The following TSPAN2 variants were observed in gnomAD, a reference collection of about 807,000 sequenced individuals.
TSPAN2 encodes tetraspanin 2.
A neutral mutation model predicts 33.3 loss-of-function variants in TSPAN2; 24 were observed. That is an observed-to-expected ratio of 0.72 (90% CI 0.52 to 1.01). The LOEUF is 1.01. Among genes scored for constraint, TSPAN2 ranks in the 50% least tolerant of loss-of-function variants. The probability of loss-of-function intolerance (pLI) is 0.00; values close to 1 mark genes in which losing one functional copy is unlikely to be tolerated. For missense variants in TSPAN2, 278 were observed against 281.3 expected (o/e 0.99, Z 0.08); for synonymous variants, 114 against 104.5 (o/e 1.09, Z -0.56).
upstream of TSPAN2, chr1:115,089,503 CGG>C: frequency 1.2e-6 from 1 of 857,430 alleles, no homozygotes; most frequent in Non-Finnish European, 1.5e-6. Flanking sequence ...CAGGCTCCGG[CGG>C]GGAGGGGGCG....
At chr1:115,083,817 TAG>T (rs1482548015) in intron 1 of TSPAN2, among the ~76,000 whole-genome samples, 1 of 152,172 alleles carries the variant, frequency 6.6e-6, no homozygotes, top group African/African-American at 2.4e-5. Flanking sequence ...TTAACTCTAT[TAG>T]GTACTGAGGG....
rs57230726 is a variant in TSPAN2, at chr1:115,066,646, C to T, written c.173-4414G>A. Among the ~76,000 whole-genome samples, 997 of 152,162 alleles carry T rather than the reference C, an allele frequency of 6.6e-3. 6 individuals are homozygous for T. The highest frequency in any genetic ancestry group is 0.023 in the African/African-American group (940 of 41,518). On this transcript the variant is annotated intron_variant, in intron 2 of 7. Coordinates refer to ENST00000369516, the MANE Select transcript of TSPAN2 (RefSeq NM_005725.6). The stretch of plus-strand genomic sequence containing the variant: ...GTCATCAATTTTAATGGCTTTCTAG[C>T]AGCAGATGGTTTTACATAATCTGCT...
At chr1:115,081,850 T>C (rs1648635897) in intron 1 of TSPAN2, among the ~76,000 whole-genome samples, 1 of 152,138 alleles carries the variant, frequency 6.6e-6, no homozygotes, top group African/African-American at 2.4e-5. Flanking sequence ...GCTGCAGCCG[T>C]CCTCTACTAA....
In TSPAN2 at chr1:115,051,589, C is replaced by A. The variant is rs574246930; in HGVS notation, c.601-1034G>T. Among the ~76,000 whole-genome samples, 108 of 152,288 alleles carry A rather than the reference C, an allele frequency of 7.1e-4. No individual in the cohort carries two copies. The South Asian group carries it at 0.013, about 19-fold the overall frequency. Reference sequence around the variant, plus strand: ...CCCATGGAACCCTATCTGTGGGCACCATTCCATAAACTACTGTCAATGCTT... The same window carrying A: ...CCCATGGAACCCTATCTGTGGGCACAATTCCATAAACTACTGTCAATGCTT... On this transcript the variant is annotated intron_variant, in intron 7 of 7. Coordinates refer to ENST00000369516, the MANE Select transcript of TSPAN2 (RefSeq NM_005725.6).
In TSPAN2 at chr1:115,050,207, T is replaced by C. The variant is rs961053732; in HGVS notation, c.*283A>G. On this transcript the variant is annotated 3_prime_UTR_variant, in exon 8 of 8. Coordinates refer to ENST00000369516, the MANE Select transcript of TSPAN2 (RefSeq NM_005725.6). ...AGCGAAATAGGTTGTTCTTCTTATA[T>C]AACAAGAATCAGGAATTCCCAGCAA... 15 of 388,490 alleles carry C rather than the reference T, an allele frequency of 3.9e-5. No individual in the cohort carries two copies. The highest frequency in any genetic ancestry group is 6.9e-5 in the Non-Finnish European group (15 of 216,388). 24.1% of individuals were successfully genotyped at this position (388,490 alleles called of 1,614,324 possible).
intron 4 of TSPAN2, among the ~76,000 whole-genome samples, chr1:115,059,554 C>T (rs1444064901): frequency 6.6e-6 from 1 of 152,186 alleles, no homozygotes; most frequent in Non-Finnish European, 1.5e-5. Context: ...TGGTTAAAAG[C>T]ATTCAAATCT....
rs898794654 is a variant in TSPAN2 at position 115,057,957 on chromosome 1, G to A, written c.445-349C>T. Among the ~76,000 whole-genome samples the A allele has an allele frequency of 1.8e-4, 27 of 152,308 alleles. No individual in the cohort carries two copies. In the East Asian group the frequency reaches 5.2e-3, roughly 29 times the overall value. ...GACTGGGAGTCATTTAACCTGCTGA[G>A]GAGCTCAAGTTTTATGAGCTGCAGA... On this transcript the variant is annotated intron_variant, in intron 5 of 7. Transcript: ENST00000369516.
Position 115,089,408 on chromosome 1 carries a change from G to T in TSPAN2, c.25C>A (p.Arg9=). MGRFRGGL[R]CIKYLLLGFN... ...CCAAGCAGCAGGTACTTGATGCACC[G>T]CAGGCCCCCGCGGAAGCGCCCCATG... Residue 9 remains arginine (R), a synonymous_variant, in exon 1 of 8, where the codon CGG becomes AGG. Coordinates refer to ENST00000369516, the MANE Select transcript of TSPAN2 (RefSeq NM_005725.6). 6.3e-7 allele frequency: 1 copy of T among 1,587,902 alleles called. No individual in the cohort carries two copies. The highest frequency in any genetic ancestry group is 8.6e-7 in the Non-Finnish European group (1 of 1,168,836).
intron 6 of TSPAN2, among the ~76,000 whole-genome samples, chr1:115,056,126 A>G (rs943641112): frequency 6.6e-6 from 1 of 152,254 alleles, no homozygotes; most frequent in African/African-American, 2.4e-5. Context: ...AAAACTGTGT[A>G]TTATTGTTAA....
At chr1:115,086,383 C>A (rs1648837730) in intron 1 of TSPAN2, among the ~76,000 whole-genome samples, 1 of 152,200 alleles carries the variant, frequency 6.6e-6, no homozygotes, top group South Asian at 2.1e-4. Context: ...GGCGCACACT[C>A]CCCCTTGCTC....
In TSPAN2 at chr1:115,072,997, G is replaced by A. The variant is rs796126884; in HGVS notation, c.80C>T (p.Ser27Leu). 14 of 1,614,120 alleles carry A rather than the reference G, an allele frequency of 8.7e-6. No individual in the cohort carries two copies. Among genetic ancestry groups the A allele is most frequent in the African/African-American group, 1.3e-5 (1 of 75,046 alleles). Residue 27 changes from serine to leucine, a missense_variant, in exon 2 of 8, where the codon TCG becomes TTG. Transcript: ENST00000369516. ...GFNLLFWLAG[S>L]AVIAFGLWFR... The stretch of plus-strand genomic sequence containing the variant: ...CCATAGTCCAAAAGCAATGACGGCC[G>A]ATCCAGCCAGCTGGAAGGCAAACGA...
chr1:115,086,118 C>T (rs909155222), intron 1 of TSPAN2, among the ~76,000 whole-genome samples: 6 of 152,114 alleles, frequency 3.9e-5, no homozygotes, highest in African/African-American at 1.4e-4. Context: ...TTATTGAATG[C>T]TTCCTATGTG....
At chr1:115,070,649 T>G (rs1218963631) in intron 2 of TSPAN2, among the ~76,000 whole-genome samples, 1 of 151,922 alleles carries the variant, frequency 6.6e-6, no homozygotes, top group Non-Finnish European at 1.5e-5. Context: ...CCATTCTTTG[T>G]GCATGCCTTC....
At chr1:115,067,790 G>T (rs1648007172) in intron 2 of TSPAN2, among the ~76,000 whole-genome samples, 1 of 152,150 alleles carries the variant, frequency 6.6e-6, no homozygotes, top group Admixed American at 6.5e-5. Context: ...AATATCCTCT[G>T]CTCACAGACA....
At chr1:115,075,303 T>C (rs1004569782) in intron 1 of TSPAN2, among the ~76,000 whole-genome samples, 1 of 152,178 alleles carries the variant, frequency 6.6e-6, no homozygotes, top group Non-Finnish European at 1.5e-5. Context: ...GGTTTCCTCC[T>C]GGGTCAAGGA....
intron 1 of TSPAN2, among the ~76,000 whole-genome samples, chr1:115,077,555 A>G (rs1369542928): frequency 2.0e-5 from 3 of 152,230 alleles, no homozygotes; most frequent in Non-Finnish European, 4.4e-5. Flanking sequence ...CTCAAGAAAC[A>G]GAAGAAGGAC....
intron 6 of TSPAN2, among the ~76,000 whole-genome samples, chr1:115,054,987 AAAAT>A (rs771862087): frequency 1.3e-5 from 2 of 152,064 alleles, no homozygotes; most frequent in African/African-American, 4.8e-5. Flanking sequence ...ACTCTGTCTC[AAAAT>A]AAATAAATAA....
intron 2 of TSPAN2, among the ~76,000 whole-genome samples, chr1:115,071,768 T>C (rs1042169690): frequency 2.0e-4 from 31 of 152,232 alleles, no homozygotes; most frequent in African/African-American, 7.2e-4. Flanking sequence ...CCTCTAAAAG[T>C]ATCCTAACTG....
intron 1 of TSPAN2, among the ~76,000 whole-genome samples, chr1:115,076,829 G>A (rs919918429): frequency 6.6e-6 from 1 of 152,168 alleles, no homozygotes; most frequent in South Asian, 2.1e-4. Context: ...GGCCCAGGAG[G>A]GAATCCAACC....
Sources: allele counts gnomAD v4.1 joint callset (sites outside exome capture counted in the v4.1 genomes callset), GRCh38; gene constraint gnomAD v4.1.1; transcripts MANE v1.5; gene names NCBI Gene and HGNC (gene_info 2026-07-23, HGNC 2026-07-21).